The following GPC5 variants were observed in gnomAD, a reference collection of about 807,000 sequenced individuals.
GPC5 encodes the protein glypican 5.
In GPC5, 47 loss-of-function variants were observed where a neutral mutation model predicts 53.9. The ratio of observed to expected loss-of-function variants is 0.87; its 90% CI spans 0.69 to 1.11. The LOEUF (loss-of-function observed/expected upper bound fraction) is 1.11, where lower values mean the gene tolerates loss of function less well. GPC5 is among the 50% of genes most tolerant of loss of function. The probability of loss-of-function intolerance (pLI) is 0.00; values close to 1 mark genes in which losing one functional copy is unlikely to be tolerated. For synonymous variants in GPC5, 286 were observed against 263.3 expected, an observed-to-expected ratio of 1.09 and a Z score of -0.84; for missense variants, 748 against 713.1, an observed-to-expected ratio of 1.05 and a Z score of -0.56.
At chr13:92,198,671 G>A (rs563600621) in intron 7 of GPC5, among the ~76,000 whole-genome samples, 59 of 152,250 alleles carry the variant, frequency 3.9e-4, no homozygotes, top group African/African-American at 1.3e-3. Context: ...TGAAGCCAAT[G>A]GGAAGATTAC....
At chr13:92,489,538 G>A (rs1405316763) in intron 7 of GPC5, among the ~76,000 whole-genome samples, 10 of 152,088 alleles carry the variant, frequency 6.6e-5, no homozygotes, top group Admixed American at 6.5e-4. Context: ...AGGGTTACTC[G>A]AAAGGTGGTA....
intron 7 of GPC5, chr13:92,701,621 T>G (rs1025537450): frequency 6.6e-6 from 1 of 152,140 alleles, no homozygotes; most frequent in Admixed American, 6.6e-5. Context: ...AGCTATTAAG[T>G]ATCACAGATT....
chr13:92,633,905 G>T lies in GPC5; in HGVS notation c.1562-232377G>T, dbSNP rs533707327. 6.6e-5 allele frequency among the ~76,000 whole-genome samples: 10 copies of T among 152,076 alleles called. No homozygotes were observed. The South Asian group carries it at 1.7e-3, about 25-fold the overall frequency. Reference sequence around the variant, plus strand: ...TATATATGTGTGCATGTGTTCTTTTGTGTACATGGGTTGCATATGTATGTG... The same window carrying T: ...TATATATGTGTGCATGTGTTCTTTTTTGTACATGGGTTGCATATGTATGTG... On this transcript the variant is annotated intron_variant, in intron 7 of 7. Coordinates refer to ENST00000377067, the MANE Select transcript of GPC5 (RefSeq NM_004466.6).
At chr13:91,497,246 T>A (rs924472617) in intron 2 of GPC5, among the ~76,000 whole-genome samples, 4 of 152,152 alleles carry the variant, frequency 2.6e-5, no homozygotes, top group African/African-American at 9.7e-5. Context: ...GATTTAAACC[T>A]TTCTGTAGGT....
intron 7 of GPC5, among the ~76,000 whole-genome samples, chr13:92,440,088 A>G (rs1462928455): frequency 3.3e-5 from 5 of 152,222 alleles, no homozygotes; most frequent in Non-Finnish European, 1.5e-5. Context: ...TGATGGGACA[A>G]GACAATGTTT....
At chr13:92,361,343 T>G (rs16947465) in intron 7 of GPC5, among the ~76,000 whole-genome samples, 6,057 of 151,760 alleles carry the variant, frequency 0.04, 190 homozygotes, top group East Asian at 0.095. Flanking sequence ...ATTCTATTGC[T>G]GTCTTACCTG....
chr13:91,424,821 A>T (rs1224480414), intron 1 of GPC5, among the ~76,000 whole-genome samples: 1 of 152,320 alleles, frequency 6.6e-6, no homozygotes, highest in East Asian at 1.9e-4. Flanking sequence ...CCATTGCTGG[A>T]ACTGAAAGAG....
At chr13:92,080,856 C>T (rs898674701) in intron 6 of GPC5, among the ~76,000 whole-genome samples, 3 of 152,220 alleles carry the variant, frequency 2.0e-5, no homozygotes, top group African/African-American at 7.2e-5. Flanking sequence ...ACACATTCTT[C>T]TAATCACATC....
chr13:92,823,506 CAT>C, intron 7 of GPC5, among the ~76,000 whole-genome samples: 1 of 152,160 alleles, frequency 6.6e-6, no homozygotes, highest in South Asian at 2.1e-4. Flanking sequence ...ATTTAAATAT[CAT>C]AGAGTGTACT....
chr13:91,432,203 C>CTGCTGCTGCTGCTGCTGCTGCTG (rs1555306318), intron 1 of GPC5, among the ~76,000 whole-genome samples: 1 of 136,354 alleles, frequency 7.3e-6, no homozygotes, highest in African/African-American at 2.8e-5. Flanking sequence ...GCTGCTGCTG[C>CTGCTGCTGCTGCTGCTGCTGCTG]TGTGTGTGTG....
chr13:91,664,125 G>A (rs905945591), intron 2 of GPC5, among the ~76,000 whole-genome samples: 1 of 152,208 alleles, frequency 6.6e-6, no homozygotes, highest in Non-Finnish European at 1.5e-5. Flanking sequence ...GAGATGACTT[G>A]CAGCAATAAT....
At chr13:92,222,687 T>A (rs1376473995) in intron 7 of GPC5, among the ~76,000 whole-genome samples, 1 of 152,212 alleles carries the variant, frequency 6.6e-6, no homozygotes, top group Non-Finnish European at 1.5e-5. Flanking sequence ...TTTTCTTTCA[T>A]GATTTGATCC....
At chr13:92,683,986 A>G (rs1464048576) in intron 7 of GPC5, among the ~76,000 whole-genome samples, 1 of 152,194 alleles carries the variant, frequency 6.6e-6, no homozygotes, top group African/African-American at 2.4e-5. Flanking sequence ...TAATAGATGT[A>G]TAATAAGATG....
intron 7 of GPC5, among the ~76,000 whole-genome samples, chr13:92,173,236 G>A (rs1472911385): frequency 6.6e-6 from 1 of 151,914 alleles, no homozygotes; most frequent in East Asian, 2.0e-4. Context: ...ACAGAGATCG[G>A]CCATTCTCAC....
At chr13:92,291,474 G>T (rs1409286176) in intron 7 of GPC5, among the ~76,000 whole-genome samples, 3 of 152,150 alleles carry the variant, frequency 2.0e-5, no homozygotes, top group Non-Finnish European at 4.4e-5. Context: ...AGCTAATCTA[G>T]TGGGGACATG....
At chr13:91,936,419 A>C (rs1404174877) in intron 6 of GPC5, among the ~76,000 whole-genome samples, 1 of 152,038 alleles carries the variant, frequency 6.6e-6, no homozygotes, top group Non-Finnish European at 1.5e-5. Context: ...GCTCAACAAC[A>C]TGGCCGTCTG....
chr13:92,513,260 C>A (rs1880641585), intron 7 of GPC5, among the ~76,000 whole-genome samples: 2 of 152,120 alleles, frequency 1.3e-5, no homozygotes, highest in South Asian at 4.1e-4. Context: ...TTTTAGGAAT[C>A]ATTGACAGTG....
rs112818560 is a variant in GPC5 at position 91,751,593 on chromosome 13, G to A, written c.1155-4702G>A. 3.2e-3 allele frequency among the ~76,000 whole-genome samples: 482 copies of A among 152,268 alleles called. 2 individuals carry two copies. Among genetic ancestry groups the A allele is most frequent in the African/African-American group, 0.011 (459 of 41,550 alleles). ...TAGTTCTTAAAGCTTCAGCCTAGAA[G>A]GAGCATACATAAATTCTGCCTACAT... On this transcript the variant is annotated intron_variant, in intron 4 of 7. Transcript: ENST00000377067.
In GPC5 at chr13:91,924,835, A is replaced by AT. The variant is rs751973389; in HGVS notation, c.1401+16793dup. On this transcript the variant is annotated intron_variant, in intron 6 of 7. Coordinates refer to ENST00000377067, the MANE Select transcript of GPC5 (RefSeq NM_004466.6). ...CCCAACCTATAAATATACTTCATGA[A>AT]TTTTTTTTTTTTTTTGAGGCAGTGT... Among the ~76,000 whole-genome samples the AT allele has an allele frequency of 8.3e-3, 1,213 of 145,300 alleles. 12 individuals carry two copies. The highest frequency in any genetic ancestry group is 0.017 in the African/African-American group (693 of 39,976).
Sources: gnomAD v4.1 joint callset for allele counts (sites outside exome capture counted in the v4.1 genomes callset) on GRCh38, gnomAD v4.1.1 for gene constraint, MANE v1.5 for transcripts, NCBI Gene and HGNC (gene_info 2026-07-23, HGNC 2026-07-21) for gene names.